PTTG1IP2: variants seen among roughly 807,000 people sequenced by gnomAD.
PTTG1IP2 encodes PTTG1IP family member 2.
intron 6 of PTTG1IP2, among the ~76,000 whole-genome samples, chr7:90,511,538 G>A (rs985860089): frequency 2.0e-5 from 3 of 152,056 alleles, no homozygotes; most frequent in Admixed American, 6.6e-5. Flanking sequence ...GATAAGAGGC[G>A]CTTGCACCAA....
chr7:90,474,788 T>G (rs939555808), intron 1 of PTTG1IP2, among the ~76,000 whole-genome samples: 3 of 152,178 alleles, frequency 2.0e-5, no homozygotes, highest in Non-Finnish European at 4.4e-5. Flanking sequence ...TTAACTTGAT[T>G]GTGCTAACAC....
chr7:90,478,113 A>G lies in PTTG1IP2; in HGVS notation c.146-1115A>G, dbSNP rs1051039248. On this transcript the variant is annotated intron_variant, in intron 1 of 6. Coordinates refer to ENST00000509356, the MANE Select transcript of PTTG1IP2 (RefSeq NM_001365443.2). Reference sequence around the variant, plus strand: ...CTCCGTCTCAAAAAAAAAAAAAAAAAAAAGAAAAAGAAAAAATTGGAAAAC... The same window carrying G: ...CTCCGTCTCAAAAAAAAAAAAAAAAGAAAGAAAAAGAAAAAATTGGAAAAC... 7.7e-4 allele frequency among the ~76,000 whole-genome samples: 116 copies of G among 151,514 alleles called. 4 individuals are homozygous for G. The highest frequency in any genetic ancestry group is 6.3e-4 in the South Asian group (3 of 4,800).
intron 1 of PTTG1IP2, among the ~76,000 whole-genome samples, chr7:90,477,611 A>G (rs1372817165): frequency 1.3e-5 from 2 of 152,230 alleles, no homozygotes; most frequent in Non-Finnish European, 2.9e-5. Flanking sequence ...AAAGCAAGGC[A>G]AGAGTGAGAC....
intron 2 of PTTG1IP2, among the ~76,000 whole-genome samples, chr7:90,482,138 A>C (rs1462396583): frequency 6.6e-6 from 1 of 152,102 alleles, no homozygotes; most frequent in African/African-American, 2.4e-5. Flanking sequence ...CAAAGCTTTC[A>C]GTGGTAGTTT....
At chr7:90,483,116 A>C (rs576078257) in intron 2 of PTTG1IP2, among the ~76,000 whole-genome samples, 1 of 152,148 alleles carries the variant, frequency 6.6e-6, no homozygotes, top group Non-Finnish European at 1.5e-5. Context: ...TGGATATGGC[A>C]GTCAACATGT....
At chr7:90,480,190 T>C (rs1413754811) in intron 2 of PTTG1IP2, among the ~76,000 whole-genome samples, 2 of 152,198 alleles carry the variant, frequency 1.3e-5, no homozygotes, top group African/African-American at 4.8e-5. Flanking sequence ...GTGGCATCTC[T>C]GAACCCTGCA....
In PTTG1IP2 at chr7:90,471,424, T is replaced by G. The variant is rs112166589; in HGVS notation, c.145+1493T>G. ...TGATGTTCATTTACATTTGAGAGCT[T>G]AGTAATCAATATCTCAAGAAATTAT... On this transcript the variant is annotated intron_variant, in intron 1 of 6. Transcript: ENST00000509356. 5.3e-5 allele frequency among the ~76,000 whole-genome samples: 8 copies of G among 152,330 alleles called. 1 individual carries two copies. The highest frequency in any genetic ancestry group is 1.9e-4 in the African/African-American group (8 of 41,562).
intron 1 of PTTG1IP2, 60 bp downstream of exon 1, chr7:90,469,991 T>G (rs1397999051): frequency 2.0e-5 from 3 of 152,648 alleles, no homozygotes; most frequent in Non-Finnish European, 4.4e-5. Flanking sequence ...TTTTTCCTTT[T>G]AATGGTGCCA....
chr7:90,484,527 G>C (rs1180613665), intron 2 of PTTG1IP2, among the ~76,000 whole-genome samples: 1 of 151,808 alleles, frequency 6.6e-6, no homozygotes, highest in Non-Finnish European at 1.5e-5. Flanking sequence ...TATTTACATG[G>C]GTTATTTTCC....
At chr7:90,508,495 G>T (rs1027399549) in intron 6 of PTTG1IP2, among the ~76,000 whole-genome samples, 3 of 152,062 alleles carry the variant, frequency 2.0e-5, no homozygotes, top group African/African-American at 4.8e-5. Flanking sequence ...ATTTTCGGGG[G>T]AGGAATCAGA....
chr7:90,490,835 C>T (rs899375003), intron 4 of PTTG1IP2, among the ~76,000 whole-genome samples: 6 of 152,024 alleles, frequency 3.9e-5, no homozygotes, highest in South Asian at 2.1e-4. Context: ...TTCTTTTGTC[C>T]GCATTTTAAA....
At chr7:90,499,795 C>A (rs1364335984) in intron 6 of PTTG1IP2, among the ~76,000 whole-genome samples, 2 of 152,148 alleles carry the variant, frequency 1.3e-5, no homozygotes, top group Admixed American at 1.3e-4. Flanking sequence ...GTTGGCCAGG[C>A]TGGTCTTGAA....
intron 2 of PTTG1IP2, among the ~76,000 whole-genome samples, chr7:90,486,537 G>T (rs549751236): frequency 8.2e-6 from 1 of 121,592 alleles, no homozygotes; most frequent in African/African-American, 3.1e-5. Context: ...TCACCTTTAT[G>T]CCTTGCTTAA....
rs115679721 is a variant in PTTG1IP2, at chr7:90,508,490, C to T, written c.*51-4788C>T. On this transcript the variant is annotated intron_variant, in intron 6 of 6. Transcript: ENST00000509356. ...GGAAATTTTCAGGGGAGGACATTTT[C>T]GGGGGAGGAATCAGAATAAACAGTA... Among the ~76,000 whole-genome samples, 594 of 151,872 alleles carry T rather than the reference C, an allele frequency of 3.9e-3. 4 individuals are homozygous for T. The highest frequency in any genetic ancestry group is 0.014 in the African/African-American group (566 of 41,390).
chr7:90,470,777 T>G (rs1423108674), intron 1 of PTTG1IP2, among the ~76,000 whole-genome samples: 1 of 151,976 alleles, frequency 6.6e-6, no homozygotes, highest in Non-Finnish European at 1.5e-5. Flanking sequence ...AACCTCTTGG[T>G]CACCTCTATA....
chr7:90,503,007 G>T (rs1378785630), intron 6 of PTTG1IP2, among the ~76,000 whole-genome samples: 5 of 152,162 alleles, frequency 3.3e-5, no homozygotes, highest in Non-Finnish European at 5.9e-5. Flanking sequence ...CAACAGAAGG[G>T]TGCTTTGTTT....
chr7:90,500,092 T>TA (rs1348659782), intron 6 of PTTG1IP2, among the ~76,000 whole-genome samples: 1 of 151,970 alleles, frequency 6.6e-6, no homozygotes, highest in Non-Finnish European at 1.5e-5. Flanking sequence ...TGTGCACCTG[T>TA]AGTCCCAGCT....
chr7:90,507,518 C>G (rs1204542928), intron 6 of PTTG1IP2, among the ~76,000 whole-genome samples: 1 of 151,966 alleles, frequency 6.6e-6, no homozygotes, highest in African/African-American at 2.4e-5. Flanking sequence ...GGAAAAACTC[C>G]TAGAATATAA....
chr7:90,478,253 A>C (rs1484468437), intron 1 of PTTG1IP2, among the ~76,000 whole-genome samples: 1 of 152,206 alleles, frequency 6.6e-6, no homozygotes, highest in Non-Finnish European at 1.5e-5. Context: ...AAGCATGTAG[A>C]GCTCTGAGAA....
Sources: gnomAD v4.1 joint callset for allele counts (sites outside exome capture counted in the v4.1 genomes callset) on GRCh38, gnomAD v4.1.1 for gene constraint, MANE v1.5 for transcripts, NCBI Gene and HGNC (gene_info 2026-07-23, HGNC 2026-07-21) for gene names.